The following RELN variants were observed in gnomAD, a reference collection of about 807,000 sequenced individuals.
RELN encodes reelin.
RELN carries 108 observed loss-of-function variants against 427.6 expected under a neutral mutation model. The observed-to-expected ratio is 0.25, with a 90% confidence interval of 0.22 to 0.30. The LOEUF (loss-of-function observed/expected upper bound fraction) is 0.30, where lower values mean the gene tolerates loss of function less well. RELN is among the 10% of genes least tolerant of loss of function. The pLI is 1.00. For missense variants in RELN, 3,715 were observed against 4,302.8 expected (o/e 0.86, Z 3.82); for synonymous variants, 1,524 against 1,513.4 (o/e 1.01, Z -0.16).
chr7:103,480,194 T>G (rs577560853), intron 63 of RELN, among the ~76,000 whole-genome samples: 1 of 152,296 alleles, frequency 6.6e-6, no homozygotes, highest in African/African-American at 2.4e-5. Context: ...AAGAGAATGC[T>G]TTCAGTTAAT....
In RELN at chr7:103,495,905, A is replaced by G; in HGVS notation, c.9194-7T>C. 1.2e-6 allele frequency: 2 copies of G among 1,613,766 alleles called. No individual in the cohort carries two copies. The highest frequency in any genetic ancestry group is 1.7e-6 in the Non-Finnish European group (2 of 1,179,822). On this transcript the variant is annotated splice_region_variant and splice_polypyrimidine_tract_variant and intron_variant, in intron 56 of 64. Transcript: ENST00000428762. ...TCTTCATGGGAAGTGCCTTCTGTTA[A>G]GGAAAATTGGAAGCAATATGGCATA...
rs1446913452 is a variant in RELN at position 103,655,948 on chromosome 7, G to A, written c.1442-1743C>T. On this transcript the variant is annotated intron_variant, in intron 12 of 64. Coordinates refer to ENST00000428762, the MANE Select transcript of RELN (RefSeq NM_005045.4). Reference sequence around the variant, plus strand: ...AGTTAAATTTCCATAGTCTATTGATGAGAATTATGATTTGTTCATAAGCCT... The same window carrying A: ...AGTTAAATTTCCATAGTCTATTGATAAGAATTATGATTTGTTCATAAGCCT... Among the ~76,000 whole-genome samples, 8 of 152,044 alleles carry A rather than the reference G, an allele frequency of 5.3e-5. No individual in the cohort carries two copies. In the East Asian group the frequency reaches 1.5e-3, roughly 29 times the overall value.
chr7:103,691,528 G>A lies in RELN; in HGVS notation c.1143+6325C>T, dbSNP rs948595932. Among the ~76,000 whole-genome samples the A allele has an allele frequency of 5.3e-5, 8 of 152,002 alleles. No homozygotes were observed. In the East Asian group the frequency reaches 5.8e-4, roughly 11 times the overall value. Reference sequence around the variant, plus strand: ...GACAGTAGCATTAAAACAGTCATTCGTAGGCCAGGAGCAGTGGCTCACACC... The same window carrying A: ...GACAGTAGCATTAAAACAGTCATTCATAGGCCAGGAGCAGTGGCTCACACC... On this transcript the variant is annotated intron_variant, in intron 10 of 64. Transcript: ENST00000428762.
chr7:103,829,124 T>C (rs981107876), intron 3 of RELN, among the ~76,000 whole-genome samples: 1 of 151,956 alleles, frequency 6.6e-6, no homozygotes, highest in Non-Finnish European at 1.5e-5. Context: ...ACAGAATCAC[T>C]GAGAATTAAA....
At chr7:103,575,522 C>A in intron 29 of RELN, 26 bp downstream of exon 29, 8 of 1,610,404 alleles carry the variant, frequency 5.0e-6, no homozygotes, top group Non-Finnish European at 5.1e-6. Context: ...ACAATAAAAC[C>A]CTCAGACACA....
At chr7:103,930,152 A>C (rs1795829014) in intron 1 of RELN, among the ~76,000 whole-genome samples, 1 of 152,152 alleles carries the variant, frequency 6.6e-6, no homozygotes, top group Non-Finnish European at 1.5e-5. Context: ...GTCTGAGAGC[A>C]ATGTGTTCAC....
rs139577206 is a variant in RELN, at chr7:103,583,060, G to C, written c.4145+6536C>G. Among the ~76,000 whole-genome samples the C allele has an allele frequency of 1.5e-3, 225 of 152,188 alleles. 1 individual carries two copies. Among genetic ancestry groups the C allele is most frequent in the African/African-American group, 5.3e-3 (218 of 41,518 alleles). The stretch of plus-strand genomic sequence containing the variant: ...CTCATTTTCATTCACATTTCATTTA[G>C]ACATGCCAAACTTTACAGGCTGTGG... On this transcript the variant is annotated intron_variant, in intron 28 of 64. Transcript: ENST00000428762.
At chr7:103,944,342 G>A (rs1563104465) in intron 1 of RELN, among the ~76,000 whole-genome samples, 1 of 152,112 alleles carries the variant, frequency 6.6e-6, no homozygotes, top group African/African-American at 2.4e-5. Context: ...AAGCCCAGAG[G>A]AGGAAGAACA....
intron 1 of RELN, among the ~76,000 whole-genome samples, chr7:103,971,152 CAAAAA>C (rs559162833): frequency 1.2e-5 from 1 of 81,278 alleles, no homozygotes; most frequent in African/African-American, 3.6e-5. Context: ...GACTCTATCT[CAAAAA>C]AAAAAAAAAA....
intron 3 of RELN, among the ~76,000 whole-genome samples, chr7:103,827,118 G>A (rs1793162392): frequency 6.7e-6 from 1 of 150,208 alleles, no homozygotes; most frequent in African/African-American, 2.5e-5. Flanking sequence ...ACAACTATTT[G>A]CTGCGGCATA....
intron 11 of RELN, among the ~76,000 whole-genome samples, chr7:103,674,109 A>T (rs1295621070): frequency 6.6e-6 from 1 of 152,126 alleles, no homozygotes; most frequent in Non-Finnish European, 1.5e-5. Context: ...TTCTGTAATG[A>T]AGTAACATTT....
At chr7:103,932,983 C>G (rs1234782888) in intron 1 of RELN, among the ~76,000 whole-genome samples, 1 of 152,152 alleles carries the variant, frequency 6.6e-6, no homozygotes, top group Non-Finnish European at 1.5e-5. Context: ...TCAAGGGCTA[C>G]AGGCAGAAGT....
chr7:103,577,522 A>G (rs1254506695), intron 28 of RELN, among the ~76,000 whole-genome samples: 1 of 151,750 alleles, frequency 6.6e-6, no homozygotes, highest in African/African-American at 2.4e-5. Context: ...GGTAAAAAGA[A>G]TTGAATTAAA....
At chr7:103,618,888 A>G (rs1419807864) in intron 20 of RELN, among the ~76,000 whole-genome samples, 8 of 152,110 alleles carry the variant, frequency 5.3e-5, no homozygotes, top group African/African-American at 1.9e-4. Flanking sequence ...CGAGGTGGGC[A>G]GATCACGAGG....
chr7:103,695,720 G>A (rs1833964759), intron 10 of RELN, among the ~76,000 whole-genome samples: 1 of 152,070 alleles, frequency 6.6e-6, no homozygotes, highest in Admixed American at 6.6e-5. Context: ...AGGCCCCGAG[G>A]TCTCCTGGGT....
Position 103,695,464 on chromosome 7 carries a change from G to A in RELN, c.1143+2389C>T, listed in dbSNP as rs553302386. ...GTGTGATTGGAAAGCTTATGAGTAG[G>A]ATGAGGGACCACAAAGCAAAGCATA... On this transcript the variant is annotated intron_variant, in intron 10 of 64. Transcript: ENST00000428762. 8.5e-5 allele frequency among the ~76,000 whole-genome samples: 13 copies of A among 152,140 alleles called. 1 individual carries two copies. In the South Asian group the frequency reaches 2.7e-3, roughly 32 times the overall value.
intron 41 of RELN, among the ~76,000 whole-genome samples, chr7:103,545,935 C>G (rs745436151): frequency 6.6e-6 from 1 of 152,144 alleles, no homozygotes; most frequent in Non-Finnish European, 1.5e-5. Context: ...CGCACCCGGC[C>G]CCTTCTGTCT....
intron 2 of RELN, among the ~76,000 whole-genome samples, chr7:103,841,068 T>G (rs746611843): frequency 6.6e-6 from 1 of 152,184 alleles, no homozygotes; most frequent in Non-Finnish European, 1.5e-5. Flanking sequence ...TTCAAGAGAA[T>G]TGAGAGAAAA....
intron 51 of RELN, among the ~76,000 whole-genome samples, chr7:103,507,176 G>A (rs1829243792): frequency 6.6e-6 from 1 of 152,198 alleles, no homozygotes; most frequent in Non-Finnish European, 1.5e-5. Context: ...TCTGGACCAA[G>A]CGGACCTAAT....
Sources: gnomAD v4.1 joint callset for allele counts (sites outside exome capture counted in the v4.1 genomes callset) on GRCh38, gnomAD v4.1.1 for gene constraint, MANE v1.5 for transcripts, NCBI Gene and HGNC (gene_info 2026-07-23, HGNC 2026-07-21) for gene names.